Variants in PXK observed in about 807,000 individuals in gnomAD.
The protein encoded by PXK is PX domain-containing protein kinase-like protein.
A neutral mutation model predicts 84.7 loss-of-function variants in PXK; 35 were observed. That is an observed-to-expected ratio of 0.41 (90% CI 0.32 to 0.55). The LOEUF is 0.55. Ranked by LOEUF, PXK falls within the 20% of genes least tolerant of loss-of-function variation. The pLI, the probability that PXK is intolerant of heterozygous loss-of-function variation, is 0.21. For synonymous variants in PXK, 253 were observed against 260.8 expected, an observed-to-expected ratio of 0.97 and a Z score of 0.29; for missense variants, 634 against 699.7, an observed-to-expected ratio of 0.91 and a Z score of 1.06.
intron 3 of PXK, among the ~76,000 whole-genome samples, chr3:58,371,794 T>C (rs2098376067): frequency 6.6e-6 from 1 of 152,238 alleles, no homozygotes; most frequent in South Asian, 2.1e-4. Context: ...TGTATTGATG[T>C]TGGCTTATGT....
chr3:58,413,247 T>A (rs1007603862), intron 17 of PXK: 2 of 490,184 alleles, frequency 4.1e-6, no homozygotes, highest in Non-Finnish European at 7.4e-6. Context: ...GCTTCTCAGA[T>A]TGGAGCCTGT....
At chr3:58,359,156 G>A (rs1331434408) in intron 1 of PXK, among the ~76,000 whole-genome samples, 2 of 152,132 alleles carry the variant, frequency 1.3e-5, no homozygotes, top group Admixed American at 6.6e-5. Flanking sequence ...GTTTATATGT[G>A]TTTATATAAA....
chr3:58,339,927 G>C (rs1362131528), intron 1 of PXK, among the ~76,000 whole-genome samples: 1 of 151,888 alleles, frequency 6.6e-6, no homozygotes, highest in African/African-American at 2.4e-5. Flanking sequence ...CGATTCTCCT[G>C]CGTCAGCCTC....
rs1344916802 is a variant in PXK, at chr3:58,407,299, T to C, written c.1231-1625T>C. 6.6e-6 allele frequency among the ~76,000 whole-genome samples: 1 copy of C among 152,234 alleles called. No individual in the cohort carries two copies. Among genetic ancestry groups the C allele is most frequent in the Non-Finnish European group, 1.5e-5 (1 of 68,040 alleles). On this transcript the variant is annotated intron_variant, in intron 13 of 17. Coordinates refer to ENST00000356151, the MANE Select transcript of PXK (RefSeq NM_017771.5). This position sits in a 1 kb window ranked among gnomAD's most constrained non-coding sequence, Gnocchi z 4.3. Reference sequence around the variant, plus strand: ...GTGGTTTTGATTTACATTTCTCTAATGACTAAAGACATTGAGTGTCTTTTC... The same window carrying C: ...GTGGTTTTGATTTACATTTCTCTAACGACTAAAGACATTGAGTGTCTTTTC...
At position 58,332,969 on chromosome 3, in the gene PXK, C is replaced by G; in HGVS notation, c.-20C>G. On this transcript the variant is annotated 5_prime_UTR_variant, in exon 1 of 18. Transcript: ENST00000356151. This position sits in a 1 kb window ranked among gnomAD's most constrained non-coding sequence, Gnocchi z 5.6. ...GTTCCTACCTCGCGTCCCTAGGCGG[C>G]GGCGGCCGGGCGTCCCGGGATGGCC... The G allele has an allele frequency of 2.2e-6, 3 of 1,344,396 alleles. No individual in the cohort carries two copies. Among genetic ancestry groups the G allele is most frequent in the Non-Finnish European group, 2.9e-6 (3 of 1,033,838 alleles). The allele number at this position is 1,344,396 out of a possible 1,614,324, so 83.3% of individuals were successfully genotyped here. A position where few individuals can be genotyped will look rare whatever the true frequency, so the allele number is the denominator to read the frequency against.
chr3:58,389,281 T>G (rs2098598615), intron 4 of PXK, among the ~76,000 whole-genome samples: 1 of 152,128 alleles, frequency 6.6e-6, no homozygotes, highest in African/African-American at 2.4e-5. Flanking sequence ...ACTTTTTTGT[T>G]GATGAAAGCT....
At chr3:58,375,359 A>G (rs778936127) in intron 3 of PXK, among the ~76,000 whole-genome samples, 3 of 152,234 alleles carry the variant, frequency 2.0e-5, no homozygotes, top group Non-Finnish European at 4.4e-5. Context: ...AAAGTAGTAA[A>G]TGAGCACTGT....
chr3:58,336,073 T>TATA (rs61148829), intron 1 of PXK, among the ~76,000 whole-genome samples: 841 of 31,118 alleles, frequency 0.027, 2 homozygotes, highest in East Asian at 0.039. Context: ...ATATATATAT[T>TATA]TTTTTTTTTT....
At chr3:58,404,018 G>A in intron 13 of PXK, 108 bp downstream of exon 13, 1 of 623,250 alleles carries the variant, frequency 1.6e-6, no homozygotes, top group Non-Finnish European at 2.5e-6. Flanking sequence ...GGGAAAATTG[G>A]GAAATAACCT....
intron 17 of PXK, chr3:58,423,626 T>C: frequency 2.1e-6 from 3 of 1,447,158 alleles, no homozygotes; most frequent in Non-Finnish European, 9.2e-7. Context: ...TAGCTTTACC[T>C]GTTACTTATC....
Position 58,409,461 on chromosome 3 carries a change from C to A in PXK, c.1309-71C>A. On this transcript the variant is annotated intron_variant, in intron 14 of 17. Transcript: ENST00000356151. This position sits in a 1 kb window ranked among gnomAD's most constrained non-coding sequence, Gnocchi z 4.2. ...CCCAATAAAATGTGGTTTGCCAAAA[C>A]ATGTTGGAGAAGATTTTCATTAGGA... The A allele has an allele frequency of 7.1e-7, 1 of 1,407,344 alleles. No homozygotes were observed. Among genetic ancestry groups the A allele is most frequent in the Non-Finnish European group, 9.9e-7 (1 of 1,009,038 alleles). 87.2% of individuals were successfully genotyped at this position (1,407,344 alleles called of 1,614,324 possible). A position where few individuals can be genotyped will look rare whatever the true frequency, so the allele number is the denominator to read the frequency against.
chr3:58,397,320 C>A lies in PXK; in HGVS notation c.984+120C>A. 1 of 1,246,622 alleles carries A rather than the reference C, an allele frequency of 8.0e-7. No individual in the cohort carries two copies. The highest frequency in any genetic ancestry group is 1.1e-6 in the Non-Finnish European group (1 of 881,822). The allele number at this position is 1,246,622 out of a possible 1,614,324, so 77.2% of individuals were successfully genotyped here. A position where few individuals can be genotyped will look rare whatever the true frequency, so the allele number is the denominator to read the frequency against. ...AGGTATAGTTGGGACAGGCCTTGCC[C>A]GTCAGCCCTTGCAGCGTTGCTGTAT... On this transcript the variant is annotated intron_variant, in intron 10 of 17. Transcript: ENST00000356151. The surrounding 1 kb of genome is among the most constrained non-coding windows in gnomAD (Gnocchi z 4.7).
At chr3:58,378,691 T>C (rs1377930670) in intron 3 of PXK, among the ~76,000 whole-genome samples, 1 of 150,750 alleles carries the variant, frequency 6.6e-6, no homozygotes, top group South Asian at 2.1e-4. Context: ...TGCATCACCA[T>C]GCTCAGCTAA....
chr3:58,354,326 G>T (rs1024630568), intron 1 of PXK, among the ~76,000 whole-genome samples: 2 of 152,178 alleles, frequency 1.3e-5, no homozygotes, highest in Admixed American at 6.5e-5. Context: ...GAGTCCTTAA[G>T]AGGAGGTGGG....
intron 1 of PXK, among the ~76,000 whole-genome samples, chr3:58,359,093 C>T (rs2098137371): frequency 6.6e-6 from 1 of 152,196 alleles, no homozygotes; most frequent in African/African-American, 2.4e-5. Context: ...TCACAATTGG[C>T]AGCAACATCT....
At chr3:58,348,602 A>G (rs1435463415) in intron 1 of PXK, among the ~76,000 whole-genome samples, 2 of 152,208 alleles carry the variant, frequency 1.3e-5, no homozygotes, top group Non-Finnish European at 2.9e-5. Context: ...TAATTTCAAC[A>G]TGGAATCATT....
In PXK at chr3:58,410,071, T is replaced by A. The variant is rs777143862; in HGVS notation, c.1396-19T>A. 3.3e-6 allele frequency: 5 copies of A among 1,525,708 alleles called. No homozygotes were observed. Among genetic ancestry groups the A allele is most frequent in the Non-Finnish European group, 4.5e-6 (5 of 1,101,382 alleles). 94.5% of individuals were successfully genotyped at this position (1,525,708 alleles called of 1,614,324 possible). On this transcript the variant is annotated intron_variant, in intron 15 of 17. Transcript: ENST00000356151. Reference sequence around the variant, plus strand: ...TTGCTTTCCTCTCCCTCCCTCCCCCTTTTCTTTTATTCTTAAAGAAGTCAA... The same window carrying A: ...TTGCTTTCCTCTCCCTCCCTCCCCCATTTCTTTTATTCTTAAAGAAGTCAA...
intron 3 of PXK, 128 bp from the exon 4 acceptor site, chr3:58,382,386 C>T: frequency 1.5e-6 from 1 of 665,570 alleles, no homozygotes; most frequent in Non-Finnish European, 2.3e-6. Context: ...ATTTTTATAT[C>T]ACTGAAATTA....
At chr3:58,392,989 T>TA (rs1228231797) in intron 7 of PXK, among the ~76,000 whole-genome samples, 2 of 152,026 alleles carry the variant, frequency 1.3e-5, no homozygotes, top group East Asian at 3.9e-4. Flanking sequence ...AGTGCTTCTT[T>TA]AAAAAAAGAA....
Sources: gnomAD v4.1 joint callset for allele counts (sites outside exome capture counted in the v4.1 genomes callset) on GRCh38, gnomAD v4.1.1 for gene constraint, Gnocchi (gnomAD v3.1) non-coding constraint, MANE v1.5 for transcripts, NCBI Gene and HGNC (gene_info 2026-07-23, HGNC 2026-07-21) for gene names.